The following CCDC149 variants were observed in gnomAD, a reference collection of about 807,000 sequenced individuals.
CCDC149 encodes coiled-coil domain containing 149.
CCDC149 carries 45 observed loss-of-function variants against 59.9 expected under a neutral mutation model. The observed-to-expected ratio is 0.75, with a 90% CI of 0.59 to 0.96. The LOEUF is 0.96. Among genes scored for constraint, CCDC149 ranks in the 40% least tolerant of loss-of-function variants. CCDC149 has a pLI of 0.00. For missense variants in CCDC149, 584 were observed against 664.7 expected (o/e 0.88, Z 1.33); for synonymous variants, 245 against 260.6 (o/e 0.94, Z 0.58).
intron 8 of CCDC149, among the ~76,000 whole-genome samples, chr4:24,833,065 C>G (rs1315766265): frequency 6.6e-6 from 1 of 151,880 alleles, no homozygotes; most frequent in African/African-American, 2.4e-5. Context: ...TTTCTGACAC[C>G]GAGTGGCTGT....
At chr4:24,878,649 A>G (rs1466725403) in intron 1 of CCDC149, among the ~76,000 whole-genome samples, 1 of 152,240 alleles carries the variant, frequency 6.6e-6, no homozygotes, top group Non-Finnish European at 1.5e-5. Context: ...ACCCAAAGAC[A>G]GTCACCTTTA....
At chr4:24,876,334 CACACACAGAG>C (rs1430767920) in intron 2 of CCDC149, among the ~76,000 whole-genome samples, 192 bp downstream of exon 2, 118 of 122,384 alleles carry the variant, frequency 9.6e-4, no homozygotes, top group African/African-American at 4.5e-3. Flanking sequence ...CACACACACA[CACACACAGAG>C]AGAGAGAGAG....
chr4:24,872,899 A>T (rs1216944053), intron 3 of CCDC149, among the ~76,000 whole-genome samples: 1 of 151,540 alleles, frequency 6.6e-6, no homozygotes, highest in Non-Finnish European at 1.5e-5. Context: ...AATGGTATGC[A>T]CCCACTGAAC....
chr4:24,887,527 C>T (rs11732285), intron 1 of CCDC149, among the ~76,000 whole-genome samples: 119,701 of 151,948 alleles, frequency 0.79, 47,501 homozygotes, highest in Non-Finnish European at 0.84. Context: ...CTGATCACCA[C>T]CTACTCACTC....
chr4:24,869,168 GCCTTT>G lies in CCDC149; in HGVS notation c.264+4508_264+4512del, dbSNP rs528631878. Among the ~76,000 whole-genome samples the G allele has an allele frequency of 3.3e-5, 5 of 152,338 alleles. No homozygotes were observed. The East Asian group carries it at 9.7e-4, about 29-fold the overall frequency. ...CCTCTACATGGTGGTGGGAGGAGCT[GCCTTT>G]CATCAGTGGCATGCCTGATCATGCC... On this transcript the variant is annotated intron_variant, in intron 3 of 12. Coordinates refer to ENST00000635206, the MANE Select transcript of CCDC149 (RefSeq NM_001330643.2).
intron 1 of CCDC149, among the ~76,000 whole-genome samples, chr4:24,955,241 C>A (rs1279098997): frequency 3.9e-5 from 6 of 152,128 alleles, no homozygotes; most frequent in Non-Finnish European, 8.8e-5. Flanking sequence ...AGGGGAGGAA[C>A]CTTCTCTCCT....
At chr4:24,919,983 G>A (rs1446744578) in intron 1 of CCDC149, among the ~76,000 whole-genome samples, 1 of 152,172 alleles carries the variant, frequency 6.6e-6, no homozygotes, top group Admixed American at 6.5e-5. Flanking sequence ...ATAAAGCAAT[G>A]TGCCCAAGGT....
intron 3 of CCDC149, among the ~76,000 whole-genome samples, chr4:24,869,142 C>A (rs556775218): frequency 3.3e-5 from 5 of 152,302 alleles, no homozygotes; most frequent in Admixed American, 3.3e-4. Flanking sequence ...TACCCCGCAC[C>A]CCTCTACATG....
At chr4:24,862,763 C>T (rs1012245111) in intron 3 of CCDC149, among the ~76,000 whole-genome samples, 2 of 152,306 alleles carry the variant, frequency 1.3e-5, no homozygotes, top group South Asian at 2.1e-4. Context: ...TCCCACAATT[C>T]GTCATCACTC....
chr4:24,976,869 G>A (rs1032384698), intron 1 of CCDC149, among the ~76,000 whole-genome samples: 5 of 152,166 alleles, frequency 3.3e-5, no homozygotes, highest in Admixed American at 1.3e-4. Flanking sequence ...GTGCGATTGT[G>A]GAGAACATCT....
intron 1 of CCDC149, among the ~76,000 whole-genome samples, chr4:24,968,708 G>T (rs1723876421): frequency 6.6e-6 from 1 of 152,214 alleles, no homozygotes; most frequent in Admixed American, 6.5e-5. Flanking sequence ...TTGAAACCAG[G>T]TGTGGACAGA....
chr4:24,893,141 A>T (rs1458175317), intron 1 of CCDC149, among the ~76,000 whole-genome samples: 2 of 152,216 alleles, frequency 1.3e-5, no homozygotes, highest in Non-Finnish European at 2.9e-5. Context: ...TGAAGGGGAC[A>T]TTCAAACCAT....
chr4:24,957,511 A>G (rs544210639), intron 1 of CCDC149, among the ~76,000 whole-genome samples: 2 of 152,334 alleles, frequency 1.3e-5, no homozygotes, highest in African/African-American at 4.8e-5. Context: ...ACAGCCCTAA[A>G]AGACTGGGGC....
At chr4:24,823,992 A>G (rs891769113) in intron 9 of CCDC149, among the ~76,000 whole-genome samples, 3 of 152,050 alleles carry the variant, frequency 2.0e-5, no homozygotes, top group African/African-American at 4.8e-5. Flanking sequence ...CTCCCTTTTC[A>G]CCAGCTGATG....
rs558947998 is a variant in CCDC149 at position 24,809,715 on chromosome 4, G to C, written c.1193-896C>G. ...GTATGACAGAGCCACAGTGGGACTG[G>C]GTTTAGCCTGGACACATGTCCTGGA... On this transcript the variant is annotated intron_variant, in intron 12 of 12. Coordinates refer to ENST00000635206, the MANE Select transcript of CCDC149 (RefSeq NM_001330643.2). Among the ~76,000 whole-genome samples the C allele has an allele frequency of 2.5e-4, 38 of 152,332 alleles. 1 individual carries two copies. In the South Asian group the frequency reaches 6.0e-3, roughly 24 times the overall value.
chr4:24,897,827 G>A (rs1051529479), intron 1 of CCDC149, among the ~76,000 whole-genome samples: 16 of 152,192 alleles, frequency 1.1e-4, no homozygotes, highest in Admixed American at 4.6e-4. Context: ...AGAAGAGGCC[G>A]CAGAAATGGC....
chr4:24,936,360 A>G (rs1015696886), intron 1 of CCDC149, among the ~76,000 whole-genome samples: 2 of 152,020 alleles, frequency 1.3e-5, no homozygotes, highest in African/African-American at 4.8e-5. Context: ...TATATATATC[A>G]TCAAATATAT....
chr4:24,963,683 T>C (rs1723713436), intron 1 of CCDC149, among the ~76,000 whole-genome samples: 1 of 152,240 alleles, frequency 6.6e-6, no homozygotes, highest in Admixed American at 6.5e-5. Context: ...GTTGCATGCA[T>C]ACTTACCTAG....
intron 1 of CCDC149, among the ~76,000 whole-genome samples, chr4:24,927,608 T>C (rs1054747881): frequency 1.4e-4 from 22 of 152,206 alleles, no homozygotes; most frequent in African/African-American, 5.3e-4. Context: ...AGTATTCCAC[T>C]TACAAACAAC....
Sources: gnomAD v4.1 joint callset for allele counts (sites outside exome capture counted in the v4.1 genomes callset) on GRCh38, gnomAD v4.1.1 for gene constraint, MANE v1.5 for transcripts, NCBI Gene and HGNC (gene_info 2026-07-23, HGNC 2026-07-21) for gene names.